The following KLHL3 variants were observed in gnomAD, a reference collection of about 807,000 sequenced individuals.
KLHL3 encodes the protein kelch like family member 3, also known as kelch-like protein 3.
KLHL3 carries 19 observed loss-of-function variants against 70.5 expected under a neutral mutation model. The observed-to-expected ratio is 0.27, with a 90% CI of 0.19 to 0.40. The LOEUF (loss-of-function observed/expected upper bound fraction) is 0.40. Among genes scored for constraint, KLHL3 ranks in the 10% least tolerant of loss-of-function variants. The pLI is 1.00. For synonymous variants in KLHL3, 258 were observed against 290.3 expected (o/e 0.89, Z 1.13); for missense variants, 512 against 771.1 (o/e 0.66, Z 3.98).
rs145183949 is a variant in KLHL3 at position 137,732,570 on chromosome 5, C to A, written c.14+3063G>T. Among the ~76,000 whole-genome samples, 947 of 152,016 alleles carry A rather than the reference C, an allele frequency of 6.2e-3. 11 individuals carry two copies. Among genetic ancestry groups the A allele is most frequent in the African/African-American group, 0.022 (898 of 41,444 alleles). ...TAAGGAGATAGTTTTAGATAAGAAG[C>A]AAGATGACGGCCTGATAAGCTCCCT... On this transcript the variant is annotated intron_variant, in intron 1 of 14. Transcript: ENST00000309755.
At chr5:137,678,801 T>A (rs900184944) in intron 5 of KLHL3, among the ~76,000 whole-genome samples, 3 of 151,926 alleles carry the variant, frequency 2.0e-5, no homozygotes, top group African/African-American at 4.9e-5. Context: ...TTATAAACAA[T>A]ATTTTCCATC....
intron 1 of KLHL3, among the ~76,000 whole-genome samples, chr5:137,724,119 G>A (rs763700410): frequency 6.6e-5 from 10 of 152,044 alleles, no homozygotes; most frequent in Non-Finnish European, 8.8e-5. Flanking sequence ...TGCATCCTTC[G>A]GATAAATCTA....
chr5:137,680,992 G>A (rs1474893012), intron 5 of KLHL3, among the ~76,000 whole-genome samples: 1 of 152,050 alleles, frequency 6.6e-6, no homozygotes, highest in Non-Finnish European at 1.5e-5. Context: ...GGTCAATAAA[G>A]TGAGGCCCCT....
At chr5:137,706,280 G>A (rs1025777147) in intron 3 of KLHL3, 13 of 985,274 alleles carry the variant, frequency 1.3e-5, no homozygotes, top group African/African-American at 1.7e-5. Flanking sequence ...TGGATCTAAC[G>A]AGAGTCAGCC....
chr5:137,648,905 G>C (rs1459354657), intron 8 of KLHL3, among the ~76,000 whole-genome samples: 1 of 152,164 alleles, frequency 6.6e-6, no homozygotes, highest in Non-Finnish European at 1.5e-5. Flanking sequence ...TCTCCAACTA[G>C]TCCAATTATC....
chr5:137,672,277 CCAGCCTGCCTCCCA>C (rs930597179), intron 6 of KLHL3, among the ~76,000 whole-genome samples: 2 of 152,270 alleles, frequency 1.3e-5, no homozygotes, highest in South Asian at 2.1e-4. Context: ...CCAAGGCTCT[CCAGCCTGCCTCCCA>C]CAGCCTGCCT....
At chr5:137,729,635 T>C (rs7709766) in intron 1 of KLHL3, among the ~76,000 whole-genome samples, 35,971 of 152,008 alleles carry the variant, frequency 0.24, 4,564 homozygotes, top group African/African-American at 0.32. Context: ...GACTATTGTA[T>C]TTTAGGTTCT....
At chr5:137,679,390 G>A (rs1037639239) in intron 5 of KLHL3, among the ~76,000 whole-genome samples, 2 of 152,170 alleles carry the variant, frequency 1.3e-5, no homozygotes, top group African/African-American at 4.8e-5. Flanking sequence ...CGGTTCTCAG[G>A]AGAGTCCTGC....
At chr5:137,721,714 G>A (rs1295153004) in intron 1 of KLHL3, among the ~76,000 whole-genome samples, 1 of 152,230 alleles carries the variant, frequency 6.6e-6, no homozygotes, top group Non-Finnish European at 1.5e-5. Context: ...GTTGAAGCAG[G>A]AGGACTGCTT....
rs1179518820 is a variant in KLHL3 at position 137,677,668 on chromosome 5, A to C, written c.527-14T>G. 3 of 1,516,968 alleles carry C rather than the reference A, an allele frequency of 2.0e-6. No homozygotes were observed. Among genetic ancestry groups the C allele is most frequent in the Non-Finnish European group, 2.7e-6 (3 of 1,126,650 alleles). 94.0% of individuals were successfully genotyped at this position (1,516,968 alleles called of 1,614,324 possible). ...GAAAGTGCTGCTCTGTTCCAAAAAA[A>C]AAAAAAAGAAGTTAAGAAAACAAAG... On this transcript the variant is annotated splice_polypyrimidine_tract_variant and intron_variant, in intron 5 of 14. Transcript: ENST00000309755.
At chr5:137,712,933 T>TA (rs771167754) in intron 2 of KLHL3, among the ~76,000 whole-genome samples, 3 of 152,114 alleles carry the variant, frequency 2.0e-5, no homozygotes, top group Non-Finnish European at 2.9e-5. Flanking sequence ...AAAAAAATTT[T>TA]AAAAAAATGG....
At chr5:137,667,986 A>T (rs952238773) in intron 6 of KLHL3, among the ~76,000 whole-genome samples, 7 of 147,784 alleles carry the variant, frequency 4.7e-5, no homozygotes, top group Non-Finnish European at 9.1e-5. Flanking sequence ...ACAGCCTGAG[A>T]GAGGTTAGCA....
intron 5 of KLHL3, among the ~76,000 whole-genome samples, chr5:137,682,813 C>A (rs1292695267): frequency 2.6e-5 from 4 of 152,326 alleles, no homozygotes; most frequent in Non-Finnish European, 5.9e-5. Context: ...ATTATTACTG[C>A]ACTTTCCTGA....
intron 6 of KLHL3, among the ~76,000 whole-genome samples, chr5:137,664,342 C>T (rs1561596795): frequency 6.6e-6 from 1 of 150,628 alleles, no homozygotes; most frequent in Admixed American, 6.6e-5. Context: ...GAAGTGAGAC[C>T]CTGTCTCAAA....
chr5:137,730,046 C>T (rs1200609515), intron 1 of KLHL3, among the ~76,000 whole-genome samples: 7 of 152,138 alleles, frequency 4.6e-5, no homozygotes, highest in African/African-American at 1.7e-4. Flanking sequence ...GTTAACATTT[C>T]CTGAAAGTTG....
At chr5:137,687,243 A>G (rs1472196450) in intron 5 of KLHL3, among the ~76,000 whole-genome samples, 3 of 14,218 alleles carry the variant, frequency 2.1e-4, no homozygotes, top group African/African-American at 4.0e-4. Flanking sequence ...TCCGGGAGGG[A>G]GGCGCGGGGG....
intron 5 of KLHL3, among the ~76,000 whole-genome samples, chr5:137,681,585 A>G (rs570136072): frequency 2.3e-4 from 35 of 152,126 alleles, no homozygotes; most frequent in Non-Finnish European, 4.4e-4. Flanking sequence ...TGGAGATGCA[A>G]TGGAGAGGCA....
At chr5:137,699,286 T>C (rs1278518184) in intron 3 of KLHL3, among the ~76,000 whole-genome samples, 1 of 152,080 alleles carries the variant, frequency 6.6e-6, no homozygotes. Flanking sequence ...ACCAAAAGAA[T>C]AAATTTTGGT....
chr5:137,693,875 T>G (rs953008616), intron 4 of KLHL3, among the ~76,000 whole-genome samples: 34 of 151,538 alleles, frequency 2.2e-4, no homozygotes, highest in African/African-American at 8.0e-4. Context: ...TTTTTTTTTT[T>G]AAGTGCTTTA....
Sources: gnomAD v4.1 joint callset for allele counts (sites outside exome capture counted in the v4.1 genomes callset) on GRCh38, gnomAD v4.1.1 for gene constraint, MANE v1.5 for transcripts, NCBI Gene and HGNC (gene_info 2026-07-23, HGNC 2026-07-21) for gene names.